ZNF385D: variants seen among roughly 807,000 people sequenced by gnomAD.
ZNF385D encodes zinc finger protein 385D.
ZNF385D carries 15 observed loss-of-function variants against 35.8 expected under a neutral mutation model. The ratio of observed to expected loss-of-function variants is 0.42; its 90% CI spans 0.28 to 0.64. ZNF385D has a LOEUF of 0.64. Ranked by LOEUF, ZNF385D falls within the 30% of genes least tolerant of loss-of-function variation. The pLI is 0.23. For synonymous variants in ZNF385D, 212 were observed against 186.8 expected, an observed-to-expected ratio of 1.13 and a Z score of -1.10; for missense variants, 474 against 494.6, an observed-to-expected ratio of 0.96 and a Z score of 0.39.
chr3:22,370,396 T>C (rs1033765023), intron 2 of ZNF385D, among the ~76,000 whole-genome samples: 6 of 152,246 alleles, frequency 3.9e-5, no homozygotes, highest in African/African-American at 1.4e-4. Context: ...AAGATCTCAG[T>C]GTTCTGCCCT....
chr3:22,066,857 A>C (rs143042856), intron 3 of ZNF385D, among the ~76,000 whole-genome samples: 3 of 152,308 alleles, frequency 2.0e-5, no homozygotes, highest in South Asian at 2.1e-4. Flanking sequence ...TGAAAACATA[A>C]TCCAGGTTGC....
At chr3:22,068,375 A>C (rs2125557155) in intron 3 of ZNF385D, among the ~76,000 whole-genome samples, 1 of 152,308 alleles carries the variant, frequency 6.6e-6, no homozygotes, top group East Asian at 1.9e-4. Flanking sequence ...TGAGCATTAA[A>C]ACCCGAGATA....
chr3:22,023,555 C>A (rs2125459958), intron 3 of ZNF385D, among the ~76,000 whole-genome samples: 2 of 152,134 alleles, frequency 1.3e-5, no homozygotes, highest in Admixed American at 1.3e-4. Context: ...TCCCTCTGCA[C>A]ATTTAGATAA....
chr3:22,291,563 G>T (rs1387319588), intron 2 of ZNF385D, among the ~76,000 whole-genome samples: 1 of 151,818 alleles, frequency 6.6e-6, no homozygotes, highest in African/African-American at 2.4e-5. Flanking sequence ...AGTTGATTTA[G>T]TGTATTATTT....
intron 3 of ZNF385D, among the ~76,000 whole-genome samples, chr3:21,829,268 G>A (rs1189401740): frequency 6.6e-6 from 1 of 152,108 alleles, no homozygotes; most frequent in Non-Finnish European, 1.5e-5. Context: ...GGGAAGGAGT[G>A]GCTATTTCAT....
At chr3:22,312,086 A>C (rs575998273) in intron 2 of ZNF385D, among the ~76,000 whole-genome samples, 1 of 152,038 alleles carries the variant, frequency 6.6e-6, no homozygotes, top group East Asian at 1.9e-4. Flanking sequence ...CTTTCTAATA[A>C]CTCAATCGGG....
intron 2 of ZNF385D, among the ~76,000 whole-genome samples, chr3:21,603,881 G>C (rs1172032987): frequency 6.6e-6 from 1 of 152,140 alleles, no homozygotes; most frequent in Non-Finnish European, 1.5e-5. Flanking sequence ...GCACATGGTA[G>C]GGAGGCATAG....
chr3:22,220,828 C>T (rs1488478610), intron 2 of ZNF385D, among the ~76,000 whole-genome samples: 1 of 152,100 alleles, frequency 6.6e-6, no homozygotes, highest in Non-Finnish European at 1.5e-5. Flanking sequence ...TAGCTATTTG[C>T]AGTGTATTTT....
chr3:21,909,200 T>C (rs1004681110), intron 3 of ZNF385D, among the ~76,000 whole-genome samples: 3 of 148,002 alleles, frequency 2.0e-5, no homozygotes, highest in Non-Finnish European at 4.5e-5. Context: ...AATACGGATA[T>C]AATACGGTCC....
chr3:21,922,318 C>T (rs368616798), intron 3 of ZNF385D, among the ~76,000 whole-genome samples: 18 of 152,004 alleles, frequency 1.2e-4, no homozygotes, highest in African/African-American at 2.7e-4. Flanking sequence ...AAAAAAGAGC[C>T]GTAACAGAAA....
chr3:21,809,175 T>C (rs2072791563), intron 3 of ZNF385D, among the ~76,000 whole-genome samples: 1 of 152,178 alleles, frequency 6.6e-6, no homozygotes, highest in African/African-American at 2.4e-5. Context: ...AGAAGGATTT[T>C]AAAGTAGCTA....
chr3:22,310,754 T>C (rs1703494316), intron 2 of ZNF385D, among the ~76,000 whole-genome samples: 1 of 151,888 alleles, frequency 6.6e-6, no homozygotes, highest in Non-Finnish European at 1.5e-5. Context: ...TTTTCATTTG[T>C]AGAACTTTTA....
chr3:21,604,610 G>A (rs1277647729), intron 2 of ZNF385D, among the ~76,000 whole-genome samples: 1 of 152,176 alleles, frequency 6.6e-6, no homozygotes, highest in Non-Finnish European at 1.5e-5. Flanking sequence ...TTCCCAATGT[G>A]AAATTTAAGG....
rs1575113144 is a variant in ZNF385D, at chr3:21,421,062, C to A, written c.*152G>T. On this transcript the variant is annotated 3_prime_UTR_variant, in exon 8 of 8. Transcript: ENST00000281523. The stretch of plus-strand genomic sequence containing the variant: ...CTCCCTCCCACCCCCAAACCTCCCC[C>A]ACTTTTTTATAACCTTTTCAATTCA... 1 of 322,794 alleles carries A rather than the reference C, an allele frequency of 3.1e-6. No homozygotes were observed. Among genetic ancestry groups the A allele is most frequent in the East Asian group, 5.3e-5 (1 of 18,782 alleles). The allele number at this position is 322,794 out of a possible 1,614,324, so 20.0% of individuals were successfully genotyped here.
intron 2 of ZNF385D, among the ~76,000 whole-genome samples, chr3:21,615,613 CCCATT>C (rs894179747): frequency 6.6e-6 from 1 of 151,984 alleles, no homozygotes; most frequent in African/African-American, 2.4e-5. Context: ...TTACCCTCTA[CCCATT>C]TTTTTCAACA....
chr3:22,351,142 T>A (rs1036239586), intron 2 of ZNF385D, among the ~76,000 whole-genome samples: 2 of 152,040 alleles, frequency 1.3e-5, no homozygotes, highest in Admixed American at 1.3e-4. Context: ...AAAAAAGCAA[T>A]TAGCCTGATA....
intron 3 of ZNF385D, among the ~76,000 whole-genome samples, chr3:22,158,017 C>T (rs927441564): frequency 2.6e-4 from 39 of 152,030 alleles, no homozygotes; most frequent in African/African-American, 8.2e-4. Flanking sequence ...GCTTTACAAG[C>T]GATTCCAGAT....
chr3:22,062,210 ATTTATT>A lies in ZNF385D; in HGVS notation c.325+106601_325+106606del, dbSNP rs373989842. Among the ~76,000 whole-genome samples, 1,348 of 151,952 alleles carry A rather than the reference ATTTATT, an allele frequency of 8.9e-3. 21 individuals are homozygous for A. The highest frequency in any genetic ancestry group is 0.031 in the African/African-American group (1,279 of 41,406). On this transcript the variant is annotated intron_variant, in intron 3 of 5. Transcript: ENST00000494108. ...CTACAGGCAAGTGCCACCATGCCTAATTTATTTTTATTTTTATTTTTATTTTGTAGA... is the reference window on the plus strand; with the variant it reads ...CTACAGGCAAGTGCCACCATGCCTAATTTATTTTTATTTTTATTTTGTAGA...
At chr3:21,910,471 T>C (rs976472441) in intron 3 of ZNF385D, among the ~76,000 whole-genome samples, 7 of 152,072 alleles carry the variant, frequency 4.6e-5, no homozygotes, top group Admixed American at 1.3e-4. Flanking sequence ...TGCTTTCTGC[T>C]AAAACTACAA....
Sources: gnomAD v4.1 joint callset for allele counts (sites outside exome capture counted in the v4.1 genomes callset) on GRCh38, gnomAD v4.1.1 for gene constraint, MANE v1.5 for transcripts, NCBI Gene and HGNC (gene_info 2026-07-23, HGNC 2026-07-21) for gene names.